The following MTUS2 variants were observed in gnomAD, a reference collection of about 807,000 sequenced individuals.
The protein encoded by MTUS2 is microtubule-associated tumor suppressor candidate 2.
MTUS2 carries 40 observed loss-of-function variants against 114.1 expected under a neutral mutation model. The ratio of observed to expected loss-of-function variants is 0.35; its 90% CI spans 0.27 to 0.46. The LOEUF (loss-of-function observed/expected upper bound fraction) is 0.46. MTUS2 is among the 20% of genes least tolerant of loss of function. The probability of loss-of-function intolerance (pLI) is 1.00; values close to 1 mark genes in which losing one functional copy is unlikely to be tolerated. For synonymous variants in MTUS2, 688 were observed against 672.0 expected, an observed-to-expected ratio of 1.02 and a Z score of -0.37; for missense variants, 1,679 against 1,705.4, an observed-to-expected ratio of 0.98 and a Z score of 0.27.
intron 9 of MTUS2, among the ~76,000 whole-genome samples, chr13:29,466,876 C>CAAAAAAAAAAAAAAAAA (rs11296600): frequency 6.8e-5 from 6 of 87,594 alleles, no homozygotes; most frequent in African/African-American, 2.2e-4. Context: ...GACCTCATCT[C>CAAAAAAAAAAAAAAAAA]AAAAAAAAAA....
intron 2 of MTUS2, among the ~76,000 whole-genome samples, chr13:28,907,453 G>C (rs1412266651): frequency 6.6e-6 from 1 of 151,494 alleles, no homozygotes; most frequent in Admixed American, 6.6e-5. Flanking sequence ...AAGACAGAGA[G>C]TGGCAAATTG....
chr13:29,180,743 T>C (rs1893964339), intron 5 of MTUS2, among the ~76,000 whole-genome samples: 1 of 151,934 alleles, frequency 6.6e-6, no homozygotes, highest in Non-Finnish European at 1.5e-5. Context: ...GAACAGGGAG[T>C]CAGAGTTGGT....
At chr13:29,092,293 A>G (rs1889990744) in intron 4 of MTUS2, among the ~76,000 whole-genome samples, 2 of 152,056 alleles carry the variant, frequency 1.3e-5, no homozygotes, top group Admixed American at 6.5e-5. Context: ...GTTTTTTTAC[A>G]CTGTCATGCC....
intron 2 of MTUS2, among the ~76,000 whole-genome samples, chr13:28,990,993 G>A (rs537058493): frequency 6.2e-4 from 95 of 152,258 alleles, no homozygotes; most frequent in African/African-American, 2.1e-3. Context: ...TGAAGTCAGC[G>A]AGACCAACAA....
intron 2 of MTUS2, among the ~76,000 whole-genome samples, chr13:29,017,679 T>A (rs1886124203): frequency 6.6e-6 from 1 of 150,838 alleles, no homozygotes; most frequent in Non-Finnish European, 1.5e-5. Context: ...AAGGGTGGCT[T>A]TACAATTTTC....
At chr13:29,276,176 T>C (rs933274770) in intron 5 of MTUS2, among the ~76,000 whole-genome samples, 8 of 152,232 alleles carry the variant, frequency 5.3e-5, no homozygotes, top group Admixed American at 1.3e-4. Context: ...GAACTGTCCC[T>C]GGAGGAAGAA....
intron 8 of MTUS2, among the ~76,000 whole-genome samples, chr13:29,391,586 A>C (rs1379501975): frequency 1.3e-5 from 2 of 151,950 alleles, no homozygotes; most frequent in East Asian, 3.9e-4. Context: ...AGATTTAGGG[A>C]ATCTTCCTTT....
chr13:29,419,981 A>C (rs933687555), intron 8 of MTUS2, among the ~76,000 whole-genome samples: 2 of 152,222 alleles, frequency 1.3e-5, no homozygotes, highest in African/African-American at 4.8e-5. Flanking sequence ...TCCCATAAAC[A>C]GTTCAGCTGT....
chr13:29,352,181 G>A (rs1314851623), intron 7 of MTUS2, among the ~76,000 whole-genome samples: 2 of 152,182 alleles, frequency 1.3e-5, no homozygotes, highest in African/African-American at 2.4e-5. Context: ...TGAATCATGT[G>A]TGACCTCCTG....
rs1894018281 is a variant in MTUS2 at position 29,181,806 on chromosome 13, G to A, written c.2644+80836G>A. The stretch of plus-strand genomic sequence containing the variant: ...TATACTACTGTGTGTGTGTGTGTGT[G>A]TGTGTGTGTGTGTGTGTACTGGAGT... On this transcript the variant is annotated intron_variant, in intron 5 of 15. Coordinates refer to ENST00000612955, the MANE Select transcript of MTUS2 (RefSeq NM_001033602.4). Among the ~76,000 whole-genome samples, 5 of 151,914 alleles carry A rather than the reference G, an allele frequency of 3.3e-5. 1 individual carries two copies. In the South Asian group the frequency reaches 1.0e-3, roughly 32 times the overall value.
intron 2 of MTUS2, among the ~76,000 whole-genome samples, chr13:28,841,833 C>T (rs1268953420): frequency 3.3e-5 from 5 of 152,084 alleles, no homozygotes; most frequent in South Asian, 2.1e-4. Flanking sequence ...ATTACAGATG[C>T]GTGCCACCAC....
chr13:29,242,473 A>G (rs1219910418), intron 5 of MTUS2: 1 of 165,716 alleles, frequency 6.0e-6, no homozygotes, highest in Non-Finnish European at 1.3e-5. Flanking sequence ...TAATAGAACT[A>G]TATTATAATT....
At chr13:29,467,110 A>G (rs1879946239) in intron 9 of MTUS2, among the ~76,000 whole-genome samples, 1 of 152,150 alleles carries the variant, frequency 6.6e-6, no homozygotes, top group South Asian at 2.1e-4. Context: ...CAGGCTGTGG[A>G]AAGAGGCCCT....
At chr13:29,051,443 CAG>C (rs2138604437) in intron 4 of MTUS2, among the ~76,000 whole-genome samples, 1 of 152,242 alleles carries the variant, frequency 6.6e-6, no homozygotes, top group Non-Finnish European at 1.5e-5. Flanking sequence ...AATTATGAGT[CAG>C]GGGTTCTTGA....
rs556104226 is a variant in MTUS2, at chr13:28,841,648, G to A, written c.-243+1798G>A. 4.6e-5 allele frequency among the ~76,000 whole-genome samples: 7 copies of A among 151,658 alleles called. No individual in the cohort carries two copies. In the East Asian group the frequency reaches 1.3e-3, roughly 29 times the overall value. ...CAAGGGGCCTCCTCTTTGTGGTGATGCAAAGTTAGTTCTTTGTGTGTGTGT... is the reference window on the plus strand; with the variant it reads ...CAAGGGGCCTCCTCTTTGTGGTGATACAAAGTTAGTTCTTTGTGTGTGTGT... On this transcript the variant is annotated intron_variant, in intron 2 of 15. Coordinates refer to ENST00000612955, the MANE Select transcript of MTUS2 (RefSeq NM_001033602.4).
intron 11 of MTUS2, among the ~76,000 whole-genome samples, chr13:29,490,541 C>T (rs1048587495): frequency 1.3e-5 from 2 of 152,276 alleles, no homozygotes; most frequent in Admixed American, 1.3e-4. Flanking sequence ...ACATCTCTTT[C>T]TGCCTAACTT....
chr13:29,109,655 A>G (rs78506981), intron 5 of MTUS2, among the ~76,000 whole-genome samples: 347 of 152,312 alleles, frequency 2.3e-3, no homozygotes, highest in African/African-American at 7.8e-3. Flanking sequence ...TAAACCATCA[A>G]TAGGGTCGAT....
At chr13:29,343,719 A>G (rs1352405389) in intron 7 of MTUS2, among the ~76,000 whole-genome samples, 3 of 151,238 alleles carry the variant, frequency 2.0e-5, no homozygotes, top group Admixed American at 6.6e-5. Context: ...TTGTTTCTCT[A>G]GTTTCTCGAG....
At chr13:28,982,092 T>C (rs887071050) in intron 2 of MTUS2, among the ~76,000 whole-genome samples, 1 of 152,206 alleles carries the variant, frequency 6.6e-6, no homozygotes, top group African/African-American at 2.4e-5. Flanking sequence ...CTGCTGCATC[T>C]GGACCAAGTA....
Sources: gnomAD v4.1 joint callset for allele counts (sites outside exome capture counted in the v4.1 genomes callset) on GRCh38, gnomAD v4.1.1 for gene constraint, MANE v1.5 for transcripts, NCBI Gene and HGNC (gene_info 2026-07-23, HGNC 2026-07-21) for gene names.